PREX2: variants seen among roughly 807,000 people sequenced by gnomAD.
The protein encoded by PREX2 is phosphatidylinositol-3,4,5-trisphosphate dependent Rac exchange factor 2.
A neutral mutation model predicts 203.2 loss-of-function variants in PREX2; 107 were observed. That is an observed-to-expected ratio of 0.53 (90% CI 0.45 to 0.62). The LOEUF is 0.62. Ranked by LOEUF, PREX2 falls within the 20% of genes least tolerant of loss-of-function variation. The pLI is 0.00. For synonymous variants in PREX2, 672 were observed against 663.6 expected (o/e 1.01, Z -0.19); for missense variants, 1,777 against 1,955.9 (o/e 0.91, Z 1.72).
chr8:68,140,602 A>G (rs1365582969), intron 33 of PREX2, among the ~76,000 whole-genome samples: 1 of 152,210 alleles, frequency 6.6e-6, no homozygotes, highest in Non-Finnish European at 1.5e-5. Flanking sequence ...GACTAAGCAC[A>G]GAGATGGGGA....
chr8:68,218,484 C>T (rs1812888867), intron 38 of PREX2, among the ~76,000 whole-genome samples: 1 of 152,134 alleles, frequency 6.6e-6, no homozygotes, highest in African/African-American at 2.4e-5. Flanking sequence ...TTTATTCTAC[C>T]ACCTTTTCTT....
intron 35 of PREX2, among the ~76,000 whole-genome samples, chr8:68,186,663 G>A (rs573334954): frequency 2.0e-5 from 3 of 152,030 alleles, no homozygotes; most frequent in East Asian, 1.9e-4. Context: ...ACAGGCACTC[G>A]CCACCACGCC....
Position 67,992,673 on chromosome 8 carries a change from CACTATG to C in PREX2, c.142-25169_142-25164del, listed in dbSNP as rs1806643691. Among the ~76,000 whole-genome samples, 3 of 152,300 alleles carry C rather than the reference CACTATG, an allele frequency of 2.0e-5. No homozygotes were observed. In the South Asian group the frequency reaches 6.2e-4, roughly 32 times the overall value. On this transcript the variant is annotated intron_variant, in intron 1 of 39. Transcript: ENST00000288368. ...TTGCGAGAAACATCATTGTCAATGG[CACTATG>C]ACTGTAGGATCTGAATATTGGCACT...
At chr8:67,984,778 C>A (rs1313447211) in intron 1 of PREX2, among the ~76,000 whole-genome samples, 1 of 152,186 alleles carries the variant, frequency 6.6e-6, no homozygotes, top group Non-Finnish European at 1.5e-5. Context: ...ATGCTGAATG[C>A]TTTTCTGGGT....
At chr8:67,977,418 T>C (rs896523508) in intron 1 of PREX2, among the ~76,000 whole-genome samples, 1 of 152,230 alleles carries the variant, frequency 6.6e-6, no homozygotes, top group Admixed American at 6.5e-5. Flanking sequence ...GGAACATGTG[T>C]AAATTATTAA....
intron 30 of PREX2, among the ~76,000 whole-genome samples, chr8:68,122,734 T>A (rs1810802698): frequency 6.6e-6 from 1 of 152,132 alleles, no homozygotes; most frequent in Non-Finnish European, 1.5e-5. Flanking sequence ...AAAGAACTTC[T>A]TGGCTTCTGC....
intron 35 of PREX2, among the ~76,000 whole-genome samples, chr8:68,164,287 C>T (rs1356510691): frequency 6.6e-6 from 1 of 151,864 alleles, no homozygotes; most frequent in Non-Finnish European, 1.5e-5. Flanking sequence ...TTTCCATCCA[C>T]AGGAAAATAG....
intron 1 of PREX2, among the ~76,000 whole-genome samples, chr8:68,008,018 A>G (rs1415990140): frequency 2.0e-5 from 3 of 152,326 alleles, no homozygotes; most frequent in East Asian, 3.9e-4. Flanking sequence ...TCAGAGAGGT[A>G]AAGTTACTTG....
intron 35 of PREX2, among the ~76,000 whole-genome samples, chr8:68,169,787 G>A (rs1290059962): frequency 6.6e-6 from 1 of 152,162 alleles, no homozygotes; most frequent in Non-Finnish European, 1.5e-5. Flanking sequence ...TTTGGTGTCA[G>A]ATATTATCAG....
At chr8:68,173,299 G>A (rs1274041416) in intron 35 of PREX2, among the ~76,000 whole-genome samples, 2 of 152,176 alleles carry the variant, frequency 1.3e-5, no homozygotes, top group Non-Finnish European at 2.9e-5. Flanking sequence ...TGCTGACTCT[G>A]TTGGAGACAT....
chr8:68,128,134 C>T (rs770552448), intron 31 of PREX2, among the ~76,000 whole-genome samples: 2 of 152,088 alleles, frequency 1.3e-5, no homozygotes, highest in African/African-American at 4.8e-5. Flanking sequence ...AACTACATGC[C>T]ATTTAATTAC....
intron 37 of PREX2, among the ~76,000 whole-genome samples, chr8:68,216,313 A>G (rs1283412885): frequency 6.6e-6 from 1 of 152,220 alleles, no homozygotes. Flanking sequence ...GAACAATTGC[A>G]TTGTAGAACT....
In PREX2 at chr8:68,236,402, T is replaced by C. The variant is rs527822903; in HGVS notation, c.*5024T>C. ...CAAGGCACAGCTGTTGGGGCTGGTATATGTGTGGACATGTTTGATTTGAAA... is the reference window on the plus strand; with the variant it reads ...CAAGGCACAGCTGTTGGGGCTGGTACATGTGTGGACATGTTTGATTTGAAA... On this transcript the variant is annotated 3_prime_UTR_variant, in exon 40 of 40. Transcript: ENST00000288368. 5 of 152,348 alleles carry C rather than the reference T, an allele frequency of 3.3e-5. No individual in the cohort carries two copies. The East Asian group carries it at 9.6e-4, about 29-fold the overall frequency. 9.4% of individuals were successfully genotyped at this position (152,348 alleles called of 1,614,324 possible). A position where few individuals can be genotyped will look rare whatever the true frequency, so the allele number is the denominator to read the frequency against.
chr8:68,151,959 A>ATT (rs35960058), intron 34 of PREX2, among the ~76,000 whole-genome samples: 3 of 151,456 alleles, frequency 2.0e-5, no homozygotes, highest in African/African-American at 4.8e-5. Context: ...CCTTTATTCA[A>ATT]TTTTTTTTCT....
At chr8:68,020,333 CAAAAAAAAAA>C (rs67292795) in intron 3 of PREX2, among the ~76,000 whole-genome samples, 1 of 106,114 alleles carries the variant, frequency 9.4e-6, no homozygotes, top group East Asian at 2.9e-4. Flanking sequence ...GCATTCACAC[CAAAAAAAAAA>C]AAAAAAAAAA....
chr8:68,184,149 A>G (rs1320598462), intron 35 of PREX2, among the ~76,000 whole-genome samples: 1 of 152,176 alleles, frequency 6.6e-6, no homozygotes, highest in Non-Finnish European at 1.5e-5. Context: ...GCAAATTAAT[A>G]TTCTCCCACC....
intron 1 of PREX2, among the ~76,000 whole-genome samples, chr8:68,009,224 A>G (rs1181607426): frequency 6.6e-6 from 1 of 152,210 alleles, no homozygotes; most frequent in Non-Finnish European, 1.5e-5. Flanking sequence ...GCATTCTTGA[A>G]TAACGACTAA....
At chr8:68,102,512 A>G (rs970423658) in intron 23 of PREX2, among the ~76,000 whole-genome samples, 1 of 152,226 alleles carries the variant, frequency 6.6e-6, no homozygotes, top group South Asian at 2.1e-4. Flanking sequence ...GTCATGTAAG[A>G]TTAGCTCCAT....
At chr8:67,984,311 T>C (rs1475002875) in intron 1 of PREX2, among the ~76,000 whole-genome samples, 1 of 151,866 alleles carries the variant, frequency 6.6e-6, no homozygotes, top group African/African-American at 2.4e-5. Context: ...TTATTCAACA[T>C]TGATTTCTTA....
Sources: gnomAD v4.1 joint callset for allele counts (sites outside exome capture counted in the v4.1 genomes callset) on GRCh38, gnomAD v4.1.1 for gene constraint, MANE v1.5 for transcripts, NCBI Gene and HGNC (gene_info 2026-07-23, HGNC 2026-07-21) for gene names.